HIVEP1: variants seen among roughly 807,000 people sequenced by gnomAD.
HIVEP1 encodes HIVEP zinc finger 1.
Under a neutral mutation model 180.0 loss-of-function variants are expected in HIVEP1, and 36 were observed. The ratio of observed to expected loss-of-function variants is 0.20; its 90% confidence interval spans 0.15 to 0.26. The LOEUF is 0.26. HIVEP1 is among the 10% of genes least tolerant of loss of function. The probability of loss-of-function intolerance (pLI) is 1.00; values close to 1 mark genes in which losing one functional copy is unlikely to be tolerated. For synonymous variants in HIVEP1, 1,239 were observed against 1,239.0 expected (o/e 1.00, Z 0.00); for missense variants, 3,143 against 3,268.7 (o/e 0.96, Z 0.94).
At position 12,159,083 on chromosome 6, in the gene HIVEP1, C is replaced by T. The variant is rs138631710; in HGVS notation, c.6488-2356C>T. Among the ~76,000 whole-genome samples the T allele has an allele frequency of 5.5e-3, 841 of 152,252 alleles. 7 individuals are homozygous for T. The highest frequency in any genetic ancestry group is 1.0e-2 in the South Asian group (48 of 4,824). On this transcript the variant is annotated intron_variant, in intron 7 of 8. Coordinates refer to ENST00000379388, the MANE Select transcript of HIVEP1 (RefSeq NM_002114.4). ...TGACTGGGGTTCTGTTGTGTCTGCC[C>T]TCGGTGACACAAGCTTGTGTCTCCT...
intron 2 of HIVEP1, among the ~76,000 whole-genome samples, chr6:12,055,781 CCCTGCTCACAAAGCAAG>C (rs1477076130): frequency 1.3e-5 from 2 of 152,144 alleles, no homozygotes; most frequent in Non-Finnish European, 2.9e-5. Flanking sequence ...AAGAGCCTTT[CCCTGCTCACAAAGCAAG>C]TTAAACAAAA....
intron 7 of HIVEP1, among the ~76,000 whole-genome samples, chr6:12,151,003 A>G (rs1160809257): frequency 1.3e-5 from 2 of 151,710 alleles, no homozygotes; most frequent in Non-Finnish European, 2.9e-5. Flanking sequence ...TGCTTTTGCG[A>G]CTCCGACTCT....
Position 12,163,789 on chromosome 6 carries a change from C to G in HIVEP1, c.7485C>G (p.Thr2495=), listed in dbSNP as rs202211729. 1.2e-6 allele frequency: 2 copies of G among 1,614,144 alleles called. No homozygotes were observed. The highest frequency in any genetic ancestry group is 8.5e-7 in the Non-Finnish European group (1 of 1,180,020). Residue 2495 remains threonine (T), a synonymous_variant, in exon 9 of 9, where the codon ACC becomes ACG. Coordinates refer to ENST00000379388, the MANE Select transcript of HIVEP1 (RefSeq NM_002114.4). The part of the protein sequence containing the change: ...LQSLPSLSME[T]VNIVGLANTN... ...CACTCCCCTCGTTAAGCATGGAAAC[C>G]GTCAATATTGTAGGCCTAGCCAATA...
chr6:12,109,571 T>TATCC (rs1774750920), intron 3 of HIVEP1, among the ~76,000 whole-genome samples: 1 of 152,238 alleles, frequency 6.6e-6, no homozygotes, highest in Non-Finnish European at 1.5e-5. Context: ...AGCATCTCCT[T>TATCC]ATCCATTCAA....
At chr6:12,024,818 T>A (rs1768470424) in intron 2 of HIVEP1, among the ~76,000 whole-genome samples, 1 of 152,226 alleles carries the variant, frequency 6.6e-6, no homozygotes, top group Non-Finnish European at 1.5e-5. Context: ...CTCCCTTGTG[T>A]TGCTGGGTTC....
chr6:12,174,876 G>T, the HIVEP1 span, among the ~76,000 whole-genome samples: 1 of 133,528 alleles, frequency 7.5e-6, no homozygotes, highest in East Asian at 2.5e-4. Flanking sequence ...ATTTGTAAAT[G>T]ATTTGTAATG....
At chr6:12,147,806 T>C (rs189716298) in intron 7 of HIVEP1, among the ~76,000 whole-genome samples, 190 of 152,300 alleles carry the variant, frequency 1.2e-3, no homozygotes, top group Non-Finnish European at 2.1e-3. Flanking sequence ...TTTATGTCTA[T>C]GTATAAATGT....
intron 2 of HIVEP1, among the ~76,000 whole-genome samples, chr6:12,076,985 G>T (rs1178092386): frequency 6.6e-6 from 1 of 152,126 alleles, no homozygotes; most frequent in African/African-American, 2.4e-5. Flanking sequence ...CGTAGAGGTG[G>T]ATCTTGCTGG....
chr6:12,178,652 A>T, the HIVEP1 span, among the ~76,000 whole-genome samples: 1 of 152,116 alleles, frequency 6.6e-6, no homozygotes, highest in Non-Finnish European at 1.5e-5. Context: ...TGGCAGAGGG[A>T]GGTCTGAGTT....
intron 2 of HIVEP1, among the ~76,000 whole-genome samples, chr6:12,080,114 C>T (rs924522123): frequency 6.6e-6 from 1 of 152,090 alleles, no homozygotes; most frequent in East Asian, 1.9e-4. Context: ...GTCATCAAAG[C>T]AGGAGCTAAA....
chr6:12,039,760 G>A (rs1212617193), intron 2 of HIVEP1, among the ~76,000 whole-genome samples: 1 of 152,176 alleles, frequency 6.6e-6, no homozygotes, highest in Admixed American at 6.5e-5. Context: ...CCCCAACACA[G>A]GTGGATATCT....
At chr6:12,159,657 A>G (rs913396156) in intron 7 of HIVEP1, among the ~76,000 whole-genome samples, 4 of 152,244 alleles carry the variant, frequency 2.6e-5, no homozygotes, top group African/African-American at 9.6e-5. Context: ...GTATTTACCC[A>G]GAAATCACAC....
At chr6:12,057,977 C>T (rs1770984664) in intron 2 of HIVEP1, among the ~76,000 whole-genome samples, 1 of 151,912 alleles carries the variant, frequency 6.6e-6, no homozygotes, top group Non-Finnish European at 1.5e-5. Flanking sequence ...TATTTTATTC[C>T]CCATAGCCTT....
chr6:12,109,216 A>G (rs1024299137), intron 3 of HIVEP1, among the ~76,000 whole-genome samples: 9 of 151,786 alleles, frequency 5.9e-5, no homozygotes, highest in Admixed American at 2.6e-4. Context: ...GATGGTCTCA[A>G]TCTCCTGACC....
At chr6:12,145,061 A>T (rs1759285785) in intron 7 of HIVEP1, among the ~76,000 whole-genome samples, 2 of 152,234 alleles carry the variant, frequency 1.3e-5, no homozygotes. Flanking sequence ...CTATAAAGAC[A>T]CATGCACACG....
intron 7 of HIVEP1, among the ~76,000 whole-genome samples, chr6:12,159,608 T>C (rs1177967091): frequency 1.3e-5 from 2 of 152,158 alleles, no homozygotes; most frequent in Non-Finnish European, 2.9e-5. Flanking sequence ...ATTTTTAAAA[T>C]AGGCAAGGTA....
At chr6:12,095,141 C>G (rs75996095) in intron 3 of HIVEP1, among the ~76,000 whole-genome samples, 1,776 of 151,994 alleles carry the variant, frequency 0.012, 46 homozygotes, top group African/African-American at 0.041. Context: ...ATTTGTGCCT[C>G]TCCTCGCTTT....
intron 4 of HIVEP1, among the ~76,000 whole-genome samples, chr6:12,127,399 C>G (rs376843197): frequency 3.3e-5 from 5 of 152,290 alleles, no homozygotes; most frequent in African/African-American, 1.2e-4. Flanking sequence ...TCTACTAAAT[C>G]TTGGAAGTTA....
intron 4 of HIVEP1, among the ~76,000 whole-genome samples, chr6:12,129,163 T>C (rs1434043296): frequency 1.3e-5 from 2 of 152,156 alleles, no homozygotes; most frequent in Non-Finnish European, 2.9e-5. Context: ...TGAGCTATGA[T>C]TGTACTACTG....
Sources: allele counts gnomAD v4.1 joint callset (sites outside exome capture counted in the v4.1 genomes callset), GRCh38; gene constraint gnomAD v4.1.1; transcripts MANE v1.5; gene names NCBI Gene and HGNC (gene_info 2026-07-23, HGNC 2026-07-21).